The following DNAH9 variants were observed in gnomAD, a reference collection of about 807,000 sequenced individuals.
DNAH9 encodes the protein dynein axonemal heavy chain 9, also known as DNAH9 variant protein.
In DNAH9, 345 loss-of-function variants were observed where a neutral mutation model predicts 471.6. The ratio of observed to expected loss-of-function variants is 0.73; its 90% CI spans 0.67 to 0.80. The LOEUF (loss-of-function observed/expected upper bound fraction) is 0.80, where lower values mean the gene tolerates loss of function less well. DNAH9 is among the 30% of genes least tolerant of loss of function. DNAH9 has a pLI of 0.00. For missense variants in DNAH9, 5,407 were observed against 5,609.2 expected, an observed-to-expected ratio of 0.96 and a Z score of 1.15; for synonymous variants, 2,093 against 2,123.6, an observed-to-expected ratio of 0.99 and a Z score of 0.40.
chr17:11,656,945 T>G (rs1597443474), intron 14 of DNAH9, among the ~76,000 whole-genome samples: 1 of 147,916 alleles, frequency 6.8e-6, no homozygotes, highest in East Asian at 1.9e-4. Flanking sequence ...ATTGCTAGAA[T>G]TCCATTGTAT....
intron 10 of DNAH9, among the ~76,000 whole-genome samples, chr17:11,641,250 C>T (rs531817946): frequency 7.9e-4 from 120 of 151,978 alleles, no homozygotes; most frequent in Non-Finnish European, 1.3e-3. Context: ...GCCACCAGCA[C>T]CCCACTCCAG....
intron 55 of DNAH9, 126 bp from the exon 56 acceptor site, chr17:11,883,460 C>G (rs1416741582): frequency 7.9e-7 from 1 of 1,263,622 alleles, no homozygotes; most frequent in East Asian, 2.3e-5. Context: ...TGGTCTGAAG[C>G]TCTTTGCCAT....
At position 11,923,909 on chromosome 17, in the gene DNAH9, G is replaced by A. The variant is rs112402185; in HGVS notation, c.11845G>A (p.Ala3949Thr). 1.1e-5 allele frequency: 18 copies of A among 1,613,914 alleles called. No homozygotes were observed. The highest frequency in any genetic ancestry group is 8.3e-5 in the Admixed American group (5 of 59,974). The change falls in exon 62 of 69, where the codon GCT becomes ACT. Residue 3949 changes from alanine to threonine, a missense_variant. Physicochemically the swap from Ala to Thr is moderately conservative, Grantham distance 58. This residue lies in a region of DNAH9 where 4,636 missense variants were observed against 4,900.3 expected (regional missense o/e 0.95). Coordinates refer to ENST00000262442, the MANE Select transcript of DNAH9 (RefSeq NM_001372.4). ...GGTGGCTGAGGCTGCGCTGGACCTC[G>A]CTGCCAAGAAAGGTCACTGGGTTAT... Reference protein sequence around the residue: ...EVVAEAALDLAAKKGHWVILQ... With the variant: ...EVVAEAALDLTAKKGHWVILQ...
chr17:11,942,358 C>G lies in DNAH9; in HGVS notation c.12716C>G (p.Pro4239Arg), dbSNP rs1275409345. ...CGGGTGACAGACGAGTTTAACATCC[C>G]AGAACTGATGGCCAAAGTGGAGGAG... The part of the protein sequence containing the change: ...LERVTDEFNI[P>R]ELMAKVEERT... Residue 4239 changes from proline to arginine, a missense_variant, in exon 67 of 69, where the codon CCA becomes CGA. By Grantham distance (103) the Pro-to-Arg change is moderately radical. This residue lies in a region of DNAH9 where 4,636 missense variants were observed against 4,900.3 expected (regional missense o/e 0.95). Transcript: ENST00000262442. 1 of 1,614,066 alleles carries G rather than the reference C, an allele frequency of 6.2e-7. No homozygotes were observed. The highest frequency in any genetic ancestry group is 8.5e-7 in the Non-Finnish European group (1 of 1,180,032).
intron 8 of DNAH9, 22 bp from the exon 9 acceptor site, chr17:11,636,610 CTT>C: frequency 6.2e-7 from 1 of 1,605,228 alleles, no homozygotes; most frequent in Non-Finnish European, 8.5e-7. Context: ...TTTTTTTCCT[CTT>C]TTTCCTCCAC....
At position 11,834,688 on chromosome 17, in the gene DNAH9, G is replaced by A; in HGVS notation, c.9297G>A (p.Gln3099=). The A allele has an allele frequency of 1.2e-6, 2 of 1,614,080 alleles. No individual in the cohort carries two copies. Among genetic ancestry groups the A allele is most frequent in the South Asian group, 2.2e-5 (2 of 91,032 alleles). The change falls in exon 49 of 69, where the codon CAG becomes CAA. Residue 3099 remains glutamine, a synonymous_variant. Transcript: ENST00000262442. ...CTGCCCAGGAAGTAGAGCTGAAGCAGAAAAATGAAGATGCAGACAAACTGA... is the reference window on the plus strand; with the variant it reads ...CTGCCCAGGAAGTAGAGCTGAAGCAAAAAAATGAAGATGCAGACAAACTGA... The part of the protein sequence containing the change: ...KLAAQEVELK[Q]KNEDADKLIQ...
intron 62 of DNAH9, among the ~76,000 whole-genome samples, chr17:11,924,452 A>C (rs1974246415): frequency 6.6e-6 from 1 of 152,014 alleles, no homozygotes; most frequent in African/African-American, 2.4e-5. Context: ...AATTTGACTG[A>C]ACAGTTACAA....
rs573537767 is a variant in DNAH9, at chr17:11,620,018, C to T, written c.1350+237C>T. Reference sequence around the variant, plus strand: ...TTGAGCCCAGGAGTTTAAAACCAGCCGGGCCAACATGGCAAAACGCCTTCT... The same window carrying T: ...TTGAGCCCAGGAGTTTAAAACCAGCTGGGCCAACATGGCAAAACGCCTTCT... On this transcript the variant is annotated intron_variant, in intron 6 of 68. Coordinates refer to ENST00000262442, the MANE Select transcript of DNAH9 (RefSeq NM_001372.4). The T allele has an allele frequency of 3.7e-5, 19 of 507,652 alleles. 1 individual carries two copies. Among genetic ancestry groups the T allele is most frequent in the Middle Eastern group, 5.3e-4 (1 of 1,894 alleles). The allele number at this position is 507,652 out of a possible 1,614,324, so 31.4% of individuals were successfully genotyped here. A position where few individuals can be genotyped will look rare whatever the true frequency, so the allele number is the denominator to read the frequency against.
At chr17:11,837,375 G>C (rs890366140) in intron 49 of DNAH9, among the ~76,000 whole-genome samples, 2 of 152,282 alleles carry the variant, frequency 1.3e-5, no homozygotes, top group South Asian at 4.1e-4. Context: ...TGAAGTCCTT[G>C]ATTCCTCAGT....
intron 45 of DNAH9, among the ~76,000 whole-genome samples, chr17:11,812,026 A>AAAAAAAAATATATATATATATATAT (rs1555601073): frequency 2.7e-5 from 1 of 36,726 alleles, no homozygotes; most frequent in Admixed American, 4.5e-4. Context: ...AAAAAAAAAA[A>AAAAAAAAATATATATATATATATAT]ATATATATAT....
intron 26 of DNAH9, among the ~76,000 whole-genome samples, chr17:11,718,477 G>T (rs2075003107): frequency 6.6e-6 from 1 of 152,190 alleles, no homozygotes; most frequent in South Asian, 2.1e-4. Context: ...TTCCTAGGAG[G>T]GGAGTTGCTG....
rs111377153 is a variant in DNAH9 at position 11,846,435 on chromosome 17, G to A, written c.9508-7568G>A. Reference sequence around the variant, plus strand: ...GTAATATAGTTTGAAGTCAGGTAGCGTGATGCCTCCGGCTTTGTTCTTTTG... The same window carrying A: ...GTAATATAGTTTGAAGTCAGGTAGCATGATGCCTCCGGCTTTGTTCTTTTG... On this transcript the variant is annotated intron_variant, in intron 49 of 68. Coordinates refer to ENST00000262442, the MANE Select transcript of DNAH9 (RefSeq NM_001372.4). 9.6e-3 allele frequency among the ~76,000 whole-genome samples: 1,449 copies of A among 151,710 alleles called. 27 individuals are homozygous for A. Among genetic ancestry groups the A allele is most frequent in the African/African-American group, 0.033 (1,366 of 41,116 alleles).
chr17:11,946,893 A>G (rs1975147678), intron 67 of DNAH9, among the ~76,000 whole-genome samples: 1 of 152,204 alleles, frequency 6.6e-6, no homozygotes, highest in Non-Finnish European at 1.5e-5. Flanking sequence ...CACCAAGGTT[A>G]GAAAATGTCT....
At chr17:11,633,113 T>C (rs1336020612) in intron 8 of DNAH9, among the ~76,000 whole-genome samples, 1 of 152,134 alleles carries the variant, frequency 6.6e-6, no homozygotes, top group Non-Finnish European at 1.5e-5. Context: ...ATAAGAAGAT[T>C]TGTGCTCTTA....
In DNAH9 at chr17:11,807,901, G is replaced by T; in HGVS notation, c.8583+7G>T. On this transcript the variant is annotated splice_region_variant and intron_variant, in intron 44 of 68. Transcript: ENST00000262442. ...CCAGATCCAGGACTTCAAGGTAAAAGGTCAGGCAGCTGCAGGGAGGAGGCT... is the reference window on the plus strand; with the variant it reads ...CCAGATCCAGGACTTCAAGGTAAAATGTCAGGCAGCTGCAGGGAGGAGGCT... 6.3e-7 allele frequency: 1 copy of T among 1,595,004 alleles called. No homozygotes were observed. Among genetic ancestry groups the T allele is most frequent in the East Asian group, 2.3e-5 (1 of 44,356 alleles).
rs370777357 is a variant in DNAH9 at position 11,962,230 on chromosome 17, A to C, written c.13207A>C (p.Met4403Leu). Residue 4403 changes from methionine to leucine, a missense_variant, in exon 68 of 69, where the codon ATG becomes CTG. By Grantham distance (15) the Met-to-Leu change is conservative. This residue lies in a region of DNAH9 where 4,636 missense variants were observed against 4,900.3 expected (regional missense o/e 0.95). Coordinates refer to ENST00000262442, the MANE Select transcript of DNAH9 (RefSeq NM_001372.4). This position sits in a 1 kb window ranked among gnomAD's most constrained non-coding sequence, Gnocchi z 4.1. ...REGAYIHGLFMEGACWDTQAG... is the reference protein window; with the variant it reads ...REGAYIHGLFLEGACWDTQAG... The stretch of plus-strand genomic sequence containing the variant: ...AGGGGCCTACATCCATGGCCTCTTC[A>C]TGGAAGGTGCCTGCTGGGACACACA... 7 of 1,610,464 alleles carry C rather than the reference A, an allele frequency of 4.3e-6. No homozygotes were observed. The highest frequency in any genetic ancestry group is 5.9e-6 in the Non-Finnish European group (7 of 1,178,176).
At chr17:11,701,276 C>T in intron 24 of DNAH9, 29 bp downstream of exon 24, 1 of 1,608,346 alleles carries the variant, frequency 6.2e-7, no homozygotes. Context: ...CCCCATCCTC[C>T]ATGGTTGGGG....
intron 7 of DNAH9, 151 bp from the exon 8 acceptor site, chr17:11,632,436 T>C (rs1473647859): frequency 6.9e-6 from 4 of 578,152 alleles, no homozygotes; most frequent in South Asian, 4.5e-5. Flanking sequence ...TCTACATGGC[T>C]AAAAATTAAG....
intron 28 of DNAH9, among the ~76,000 whole-genome samples, chr17:11,731,397 C>T (rs556841143): frequency 2.7e-5 from 4 of 147,924 alleles, no homozygotes; most frequent in South Asian, 2.1e-4. Context: ...CAGGTCTTCT[C>T]TTTTTTTTTT....
Sources: gnomAD v4.1 joint callset for allele counts (sites outside exome capture counted in the v4.1 genomes callset) on GRCh38, gnomAD v4.1.1 for gene constraint, gnomAD v4.1.1 regional missense constraint, Gnocchi (gnomAD v3.1) non-coding constraint, MANE v1.5 for transcripts, NCBI Gene and HGNC (gene_info 2026-07-23, HGNC 2026-07-21) for gene names.